CTDSPL2: variants seen among roughly 807,000 people sequenced by gnomAD.
CTDSPL2 encodes the protein CTD small phosphatase-like protein 2.
Under a neutral mutation model 60.0 loss-of-function variants are expected in CTDSPL2, and 5 were observed. The observed-to-expected ratio is 0.08, with a 90% confidence interval of 0.04 to 0.18. The LOEUF (loss-of-function observed/expected upper bound fraction) is 0.18. Among genes scored for constraint, CTDSPL2 ranks in the 10% least tolerant of loss-of-function variants. CTDSPL2 has a pLI of 1.00. For missense variants in CTDSPL2, 370 were observed against 548.8 expected (o/e 0.67, Z 3.26); for synonymous variants, 186 against 189.3 (o/e 0.98, Z 0.14).
chr15:44,437,144 G>T (rs1259523577), intron 1 of CTDSPL2, among the ~76,000 whole-genome samples: 2 of 152,134 alleles, frequency 1.3e-5, no homozygotes, highest in Non-Finnish European at 2.9e-5. Flanking sequence ...TATGTATGTT[G>T]GTGCTCAAAA....
chr15:44,505,206 T>C (rs1595767468), intron 8 of CTDSPL2, among the ~76,000 whole-genome samples: 1 of 151,844 alleles, frequency 6.6e-6, no homozygotes, highest in African/African-American at 2.4e-5. Flanking sequence ...CCTAGGTGGG[T>C]GGATGGCTTG....
chr15:44,495,088 T>A (rs1261263167), intron 5 of CTDSPL2, among the ~76,000 whole-genome samples: 1 of 152,070 alleles, frequency 6.6e-6, no homozygotes, highest in Admixed American at 6.5e-5. Flanking sequence ...TCTTCTGCCT[T>A]AGCCTCCTGA....
At chr15:44,445,190 T>A (rs1027816589) in intron 1 of CTDSPL2, among the ~76,000 whole-genome samples, 3 of 151,624 alleles carry the variant, frequency 2.0e-5, no homozygotes, top group African/African-American at 4.8e-5. Context: ...CCAGATTTTT[T>A]TTTTTCTTTT....
At chr15:44,448,179 A>G in intron 1 of CTDSPL2, 1 of 267,570 alleles carries the variant, frequency 3.7e-6, no homozygotes. Context: ...CCACATGGTC[A>G]ATGGGAGCAG....
chr15:44,502,028 T>C (rs1281450015), intron 8 of CTDSPL2: 3 of 451,112 alleles, frequency 6.7e-6, no homozygotes, highest in Non-Finnish European at 8.9e-6. Context: ...CTAAGAGATA[T>C]TGGAGAAACC....
intron 2 of CTDSPL2, among the ~76,000 whole-genome samples, chr15:44,478,589 T>G (rs1048074853): frequency 6.6e-6 from 1 of 151,902 alleles, no homozygotes. Context: ...CATTTTTTCT[T>G]GGTTATTTTA....
chr15:44,446,620 G>C (rs2080220441), intron 1 of CTDSPL2, among the ~76,000 whole-genome samples: 1 of 150,722 alleles, frequency 6.6e-6, no homozygotes, highest in African/African-American at 2.4e-5. Context: ...ACAGAGCAAG[G>C]CTCTATCTCA....
chr15:44,513,669 C>T (rs1175108644), intron 8 of CTDSPL2, among the ~76,000 whole-genome samples: 1 of 152,038 alleles, frequency 6.6e-6, no homozygotes, highest in Non-Finnish European at 1.5e-5. Flanking sequence ...AATCTGAATC[C>T]GTGAATCTAG....
intron 1 of CTDSPL2, among the ~76,000 whole-genome samples, chr15:44,456,593 C>T (rs2080446087): frequency 6.6e-6 from 1 of 151,952 alleles, no homozygotes; most frequent in African/African-American, 2.4e-5. Context: ...TGATGATATC[C>T]CCTTTGTCAT....
intron 2 of CTDSPL2, among the ~76,000 whole-genome samples, chr15:44,468,667 A>G (rs1006374491): frequency 7.9e-5 from 12 of 152,174 alleles, no homozygotes; most frequent in African/African-American, 2.2e-4. Flanking sequence ...CTACTATTCA[A>G]CTGCCACTGT....
intron 8 of CTDSPL2, among the ~76,000 whole-genome samples, chr15:44,513,175 T>C (rs569184946): frequency 6.6e-6 from 1 of 151,252 alleles, no homozygotes; most frequent in Non-Finnish European, 1.5e-5. Flanking sequence ...CATTCAAAAT[T>C]TGTCTTCTGG....
chr15:44,520,371 ACTTC>A (rs2081744583), intron 11 of CTDSPL2: 1 of 151,720 alleles, frequency 6.6e-6, no homozygotes, highest in Non-Finnish European at 1.5e-5. Context: ...CTGGTCTCGA[ACTTC>A]TGACCTCAGG....
intron 12 of CTDSPL2, among the ~76,000 whole-genome samples, chr15:44,523,489 C>A (rs1025640827): frequency 6.6e-6 from 1 of 152,114 alleles, no homozygotes; most frequent in East Asian, 1.9e-4. Flanking sequence ...GCCTATAATT[C>A]CAGCTACACA....
chr15:44,516,276 T>C (rs527349300), intron 10 of CTDSPL2, among the ~76,000 whole-genome samples: 7 of 152,214 alleles, frequency 4.6e-5, no homozygotes, highest in Non-Finnish European at 7.4e-5. Flanking sequence ...CCCAGCTGAG[T>C]ATAAATTTTC....
At chr15:44,481,869 G>A (rs761204719) in intron 2 of CTDSPL2, among the ~76,000 whole-genome samples, 13 of 152,084 alleles carry the variant, frequency 8.5e-5, no homozygotes, top group Non-Finnish European at 1.8e-4. Context: ...CACAGCGCCC[G>A]GCCTATTTTT....
intron 1 of CTDSPL2, among the ~76,000 whole-genome samples, chr15:44,438,258 C>T (rs371995982): frequency 7.1e-5 from 10 of 140,970 alleles, no homozygotes; most frequent in South Asian, 2.2e-4. Flanking sequence ...AGCGAGACTC[C>T]GTCTCAAAAA....
chr15:44,477,958 CTTTA>C lies in CTDSPL2; in HGVS notation c.187-6261_187-6258del, dbSNP rs1203007566. On this transcript the variant is annotated intron_variant, in intron 2 of 12. Transcript: ENST00000260327. Reference sequence around the variant, plus strand: ...TACTATTTATCTGATGCCTGCAGAACTTTATTTAGTATGTGTTTCTCACCAATTT... The same window carrying C: ...TACTATTTATCTGATGCCTGCAGAACTTTAGTATGTGTTTCTCACCAATTT... Among the ~76,000 whole-genome samples, 17 of 152,244 alleles carry C rather than the reference CTTTA, an allele frequency of 1.1e-4. No homozygotes were observed. The South Asian group carries it at 2.9e-3, about 26-fold the overall frequency.
intron 8 of CTDSPL2, among the ~76,000 whole-genome samples, chr15:44,513,607 A>G (rs928771861): frequency 6.6e-6 from 1 of 152,198 alleles, no homozygotes; most frequent in African/African-American, 2.4e-5. Context: ...TTGAAACTCC[A>G]CTAAGCCTGG....
chr15:44,508,514 T>G (rs1882857709), intron 8 of CTDSPL2, among the ~76,000 whole-genome samples: 1 of 152,156 alleles, frequency 6.6e-6, no homozygotes, highest in Non-Finnish European at 1.5e-5. Flanking sequence ...AAAACAGATG[T>G]CATACTCTAA....
Sources: allele counts gnomAD v4.1 joint callset (sites outside exome capture counted in the v4.1 genomes callset), GRCh38; gene constraint gnomAD v4.1.1; transcripts MANE v1.5; gene names NCBI Gene and HGNC (gene_info 2026-07-23, HGNC 2026-07-21).